Variants in SLC24A3 observed in about 807,000 individuals in gnomAD.
SLC24A3 encodes sodium/potassium/calcium exchanger 3.
SLC24A3 carries 28 observed loss-of-function variants against 75.8 expected under a neutral mutation model. The observed-to-expected ratio is 0.37, with a 90% CI of 0.27 to 0.51. SLC24A3 has a LOEUF of 0.51. Among genes scored for constraint, SLC24A3 ranks in the 20% least tolerant of loss-of-function variants. The pLI is 0.94. For synonymous variants in SLC24A3, 372 were observed against 334.1 expected, an observed-to-expected ratio of 1.11 and a Z score of -1.24; for missense variants, 663 against 847.8, an observed-to-expected ratio of 0.78 and a Z score of 2.71.
At chr20:19,499,204 C>T (rs1412505201) in intron 2 of SLC24A3, among the ~76,000 whole-genome samples, 1 of 152,174 alleles carries the variant, frequency 6.6e-6, no homozygotes, top group African/African-American at 2.4e-5. Flanking sequence ...TGTCTTAAGC[C>T]ACTATGTTTG....
chr20:19,533,826 G>A (rs2030347415), intron 3 of SLC24A3, among the ~76,000 whole-genome samples: 1 of 152,232 alleles, frequency 6.6e-6, no homozygotes, highest in African/African-American at 2.4e-5. Flanking sequence ...TTTGCTGGCT[G>A]TAAGATGGAG....
At chr20:19,511,761 T>C (rs921268650) in intron 2 of SLC24A3, among the ~76,000 whole-genome samples, 2 of 152,188 alleles carry the variant, frequency 1.3e-5, no homozygotes, top group African/African-American at 2.4e-5. Flanking sequence ...AAACCATTTT[T>C]CCAATTTTGT....
Position 19,263,033 on chromosome 20 carries a change from TTGTGTGTGTGTG to T in SLC24A3, c.143-17898_143-17887del, listed in dbSNP as rs11473481. On this transcript the variant is annotated intron_variant, in intron 1 of 16. Coordinates refer to ENST00000328041, the MANE Select transcript of SLC24A3 (RefSeq NM_020689.4). The stretch of plus-strand genomic sequence containing the variant: ...CTCGCTCCATCACCCACTCCAGCCT[TTGTGTGTGTGTG>T]TGTGTGTGTGTGTGTGTGTGTGTGT... 1.1e-4 allele frequency among the ~76,000 whole-genome samples: 16 copies of T among 143,140 alleles called. 1 individual carries two copies. The highest frequency in any genetic ancestry group is 3.4e-4 in the African/African-American group (13 of 38,650). 93.9% of individuals were successfully genotyped at this position (143,140 alleles called of 152,430 possible).
intron 2 of SLC24A3, among the ~76,000 whole-genome samples, chr20:19,298,074 A>T (rs1984101497): frequency 6.6e-6 from 1 of 152,242 alleles, no homozygotes. Context: ...GTAAACAGCC[A>T]TGTTATTCTG....
intron 1 of SLC24A3, 111 bp downstream of exon 1, chr20:19,213,095 C>A: frequency 8.9e-7 from 1 of 1,117,620 alleles, no homozygotes. Flanking sequence ...CCAGGATAAG[C>A]GGGCTGGGTT....
intron 7 of SLC24A3, among the ~76,000 whole-genome samples, chr20:19,662,615 C>T (rs1385747007): frequency 6.6e-6 from 1 of 152,358 alleles, no homozygotes; most frequent in East Asian, 1.9e-4. Context: ...GCGGGTGCAA[C>T]TTGTTCTAGT....
intron 1 of SLC24A3, among the ~76,000 whole-genome samples, chr20:19,264,399 G>T (rs1448238560): frequency 6.6e-6 from 1 of 152,126 alleles, no homozygotes; most frequent in African/African-American, 2.4e-5. Flanking sequence ...TACGCTATGT[G>T]TCTCTCTGCT....
intron 2 of SLC24A3, among the ~76,000 whole-genome samples, chr20:19,373,366 A>C (rs1986024249): frequency 6.6e-6 from 1 of 152,330 alleles, no homozygotes; most frequent in East Asian, 1.9e-4. Flanking sequence ...GTCTGACGTC[A>C]GGGTGGGAAG....
intron 3 of SLC24A3, among the ~76,000 whole-genome samples, chr20:19,519,521 G>C (rs969806294): frequency 6.6e-6 from 1 of 152,132 alleles, no homozygotes; most frequent in Admixed American, 6.5e-5. Flanking sequence ...GTTCCTTCTG[G>C]CTGTTTGTCA....
At chr20:19,456,376 A>G (rs1316459220) in intron 2 of SLC24A3, among the ~76,000 whole-genome samples, 1 of 152,150 alleles carries the variant, frequency 6.6e-6, no homozygotes, top group African/African-American at 2.4e-5. Flanking sequence ...TTCTCGTGGT[A>G]GTGAATAAGT....
At chr20:19,483,543 C>T (rs1988088457) in intron 2 of SLC24A3, among the ~76,000 whole-genome samples, 1 of 152,172 alleles carries the variant, frequency 6.6e-6, no homozygotes. Context: ...GGCATTTTCA[C>T]CAGCTGTGTC....
intron 2 of SLC24A3, among the ~76,000 whole-genome samples, chr20:19,402,523 G>T (rs1358841356): frequency 6.6e-6 from 1 of 152,182 alleles, no homozygotes; most frequent in Non-Finnish European, 1.5e-5. Flanking sequence ...AGTAGAATTA[G>T]ACAGCCCAGC....
At chr20:19,592,555 T>C (rs1449320942) in intron 6 of SLC24A3, among the ~76,000 whole-genome samples, 1 of 152,192 alleles carries the variant, frequency 6.6e-6, no homozygotes, top group African/African-American at 2.4e-5. Context: ...CCCTTTAGTA[T>C]GGCACACCTG....
At chr20:19,720,001 C>T (rs1337064624) in intron 16 of SLC24A3, among the ~76,000 whole-genome samples, 3 of 151,960 alleles carry the variant, frequency 2.0e-5, no homozygotes, top group Admixed American at 6.6e-5. Context: ...GGGAATCAGG[C>T]GGAGTAAGCT....
intron 3 of SLC24A3, among the ~76,000 whole-genome samples, chr20:19,543,174 A>C (rs2030531025): frequency 6.6e-6 from 1 of 152,226 alleles, no homozygotes; most frequent in Admixed American, 6.5e-5. Context: ...TATAAAGATC[A>C]AAAATTCCAT....
rs74989396 is a variant in SLC24A3 at position 19,384,704 on chromosome 20, G to A, written c.271+103617G>A. Among the ~76,000 whole-genome samples the A allele has an allele frequency of 5.0e-3, 768 of 152,222 alleles. 7 individuals are homozygous for A. Among genetic ancestry groups the A allele is most frequent in the African/African-American group, 0.018 (731 of 41,538 alleles). ...TCCTTTGGATACATACCCCAAAATGGGATGTGAGAATCATAAAGCAGTTCT... is the reference window on the plus strand; with the variant it reads ...TCCTTTGGATACATACCCCAAAATGAGATGTGAGAATCATAAAGCAGTTCT... On this transcript the variant is annotated intron_variant, in intron 2 of 16. Coordinates refer to ENST00000328041, the MANE Select transcript of SLC24A3 (RefSeq NM_020689.4).
intron 2 of SLC24A3, among the ~76,000 whole-genome samples, chr20:19,370,608 G>A (rs1253791206): frequency 1.3e-5 from 2 of 152,246 alleles, no homozygotes; most frequent in East Asian, 3.8e-4. Flanking sequence ...GTTGGAGAAT[G>A]TATTTCTTGC....
intron 2 of SLC24A3, among the ~76,000 whole-genome samples, chr20:19,330,737 T>C (rs942787596): frequency 2.0e-5 from 3 of 152,190 alleles, no homozygotes; most frequent in Admixed American, 6.5e-5. Context: ...GCAAAATCCA[T>C]GGGAAAGTTT....
chr20:19,667,810 T>G (rs1219615673), intron 8 of SLC24A3, among the ~76,000 whole-genome samples: 2 of 152,146 alleles, frequency 1.3e-5, no homozygotes, highest in East Asian at 3.9e-4. Context: ...GGAGTGTCTA[T>G]TTCATCTTCA....
Sources: gnomAD v4.1 joint callset for allele counts (sites outside exome capture counted in the v4.1 genomes callset) on GRCh38, gnomAD v4.1.1 for gene constraint, MANE v1.5 for transcripts, NCBI Gene and HGNC (gene_info 2026-07-23, HGNC 2026-07-21) for gene names.